ATP2B2: variants seen among roughly 807,000 people sequenced by gnomAD.
ATP2B2 encodes the protein ATPase plasma membrane Ca2+ transporting 2.
ATP2B2 carries 15 observed loss-of-function variants against 120.0 expected under a neutral mutation model. The observed-to-expected ratio is 0.12, with a 90% CI of 0.08 to 0.19. The LOEUF (loss-of-function observed/expected upper bound fraction) is 0.19, where lower values mean the gene tolerates loss of function less well. Among genes scored for constraint, ATP2B2 ranks in the 10% least tolerant of loss-of-function variants. ATP2B2 has a pLI of 1.00. For synonymous variants in ATP2B2, 694 were observed against 700.3 expected (o/e 0.99, Z 0.14); for missense variants, 1,045 against 1,719.8 (o/e 0.61, Z 6.94).
chr3:10,446,098 C>T (rs1001754469), intron 2 of ATP2B2, among the ~76,000 whole-genome samples: 53 of 152,188 alleles, frequency 3.5e-4, no homozygotes, highest in Admixed American at 6.5e-4. Context: ...GCAGTGACCT[C>T]GAGCCCTCAT....
intron 2 of ATP2B2, among the ~76,000 whole-genome samples, chr3:10,569,557 C>T (rs2068079453): frequency 6.6e-6 from 1 of 152,056 alleles, no homozygotes; most frequent in Non-Finnish European, 1.5e-5. Flanking sequence ...AAAAAATGTG[C>T]AACTAGCATG....
At position 10,343,946 on chromosome 3, in the gene ATP2B2, C is replaced by G. The variant is rs1574962535; in HGVS notation, c.2704-981G>C. 1.3e-5 allele frequency among the ~76,000 whole-genome samples: 2 copies of G among 151,818 alleles called. No homozygotes were observed. The highest frequency in any genetic ancestry group is 2.9e-5 in the Non-Finnish European group (2 of 67,946). On this transcript the variant is annotated intron_variant, in intron 18 of 22. Transcript: ENST00000360273. The surrounding 1 kb of genome is among the most constrained non-coding windows in gnomAD (Gnocchi z 4.2). ...CACCTCCTCCAGGAAGCCCCCAGACCCTGTAAGCTCAACAGCCCAAACCCG... is the reference window on the plus strand; with the variant it reads ...CACCTCCTCCAGGAAGCCCCCAGACGCTGTAAGCTCAACAGCCCAAACCCG...
intron 1 of ATP2B2, among the ~76,000 whole-genome samples, chr3:10,640,369 A>T (rs999489748): frequency 3.3e-5 from 5 of 152,158 alleles, no homozygotes; most frequent in Non-Finnish European, 5.9e-5. Flanking sequence ...CACCTCTCTA[A>T]ATCGGCCTCT....
chr3:10,458,936 T>C (rs974686231), intron 1 of ATP2B2, among the ~76,000 whole-genome samples: 5 of 152,214 alleles, frequency 3.3e-5, no homozygotes, highest in African/African-American at 1.2e-4. Context: ...TTCTGTAAAA[T>C]AAGGGTGCAA....
chr3:10,567,595 C>A (rs1208293070), intron 2 of ATP2B2, among the ~76,000 whole-genome samples: 1 of 152,224 alleles, frequency 6.6e-6, no homozygotes, highest in African/African-American at 2.4e-5. Flanking sequence ...GGCTGCTTCA[C>A]AAGATCATTG....
At position 10,606,642 on chromosome 3, in the gene ATP2B2, G is replaced by A. The variant is rs549916482; in HGVS notation, c.-415+13275C>T. On this transcript the variant is annotated intron_variant, in intron 2 of 21. Transcript: ENST00000646379. ...CGGAGGTACACATGTGCATGCAGGG[G>A]AGTTTTGGAGATGTGTATCTGTGTG... 2.4e-4 allele frequency among the ~76,000 whole-genome samples: 36 copies of A among 152,228 alleles called. 1 individual carries two copies. The Middle Eastern group carries it at 0.014, about 58-fold the overall frequency.
At chr3:10,629,215 G>A (rs1014869323) in intron 1 of ATP2B2, among the ~76,000 whole-genome samples, 3 of 152,188 alleles carry the variant, frequency 2.0e-5, no homozygotes, top group African/African-American at 7.2e-5. Flanking sequence ...CTTATGGGAC[G>A]AGCTTGAAGC....
chr3:10,355,646 G>T (rs2060693932), intron 14 of ATP2B2, among the ~76,000 whole-genome samples: 1 of 152,296 alleles, frequency 6.6e-6, no homozygotes, highest in South Asian at 2.1e-4. Flanking sequence ...CAGAGTCTGT[G>T]CCTGCAGCTA....
At chr3:10,555,567 A>G (rs920836598) in intron 2 of ATP2B2, among the ~76,000 whole-genome samples, 4 of 152,330 alleles carry the variant, frequency 2.6e-5, no homozygotes, top group African/African-American at 2.4e-5. Flanking sequence ...ATGGTGGCCA[A>G]CACATCTGGG....
intron 5 of ATP2B2, among the ~76,000 whole-genome samples, chr3:10,392,371 T>C: frequency 7.6e-6 from 1 of 132,440 alleles, no homozygotes; most frequent in Non-Finnish European, 1.6e-5. Flanking sequence ...TGCCCTGTCC[T>C]CTCCCAGGCC....
intron 2 of ATP2B2, among the ~76,000 whole-genome samples, chr3:10,564,720 C>A (rs1205947295): frequency 6.6e-6 from 1 of 152,204 alleles, no homozygotes; most frequent in African/African-American, 2.4e-5. Context: ...GGCAATGACA[C>A]CTACCATTAC....
intron 2 of ATP2B2, chr3:10,570,286 T>C (rs1210663101): frequency 2.0e-5 from 3 of 152,230 alleles, no homozygotes; most frequent in Non-Finnish European, 2.9e-5. Flanking sequence ...CCAAGGCTAA[T>C]TACAAGCTGA....
At chr3:10,477,653 T>C (rs375612583) in intron 1 of ATP2B2, among the ~76,000 whole-genome samples, 79 of 152,362 alleles carry the variant, frequency 5.2e-4, no homozygotes, top group African/African-American at 1.7e-3. Context: ...ACAGTATTTG[T>C]CCCTTTATGG....
At position 10,338,092 on chromosome 3, in the gene ATP2B2, T is replaced by TG. The variant is rs1325743401; in HGVS notation, c.3420+83dup. On this transcript the variant is annotated intron_variant, in intron 22 of 22. Coordinates refer to ENST00000360273, the MANE Select transcript of ATP2B2 (RefSeq NM_001001331.4). ...CTCCCTCAGCACCAGAGCTGGGCCC[T>TG]GGGGGGCAGCACAAGCACACTCACC... The TG allele has an allele frequency of 1.0e-5, 16 of 1,579,650 alleles. No homozygotes were observed. In the African/African-American group the frequency reaches 1.6e-4, roughly 16 times the overall value.
chr3:10,508,424 T>C (rs2066691434), upstream of ATP2B2, among the ~76,000 whole-genome samples: 1 of 152,236 alleles, frequency 6.6e-6, no homozygotes, highest in Admixed American at 6.5e-5. Context: ...CACTGGGCTG[T>C]GACCACATCA....
intron 1 of ATP2B2, among the ~76,000 whole-genome samples, chr3:10,494,024 A>G (rs2125377096): frequency 6.6e-6 from 1 of 152,342 alleles, no homozygotes; most frequent in South Asian, 2.1e-4. Context: ...GGGTGGGGAC[A>G]GGCACTCCAT....
chr3:10,329,191 A>AAT lies in ATP2B2; in HGVS notation c.3421-67_3421-66insAT. 1 of 709,190 alleles carries AAT rather than the reference A, an allele frequency of 1.4e-6. No individual in the cohort carries two copies. Among genetic ancestry groups the AAT allele is most frequent in the Non-Finnish European group, 2.3e-6 (1 of 432,716 alleles). 43.9% of individuals were successfully genotyped at this position (709,190 alleles called of 1,614,324 possible). A position where few individuals can be genotyped will look rare whatever the true frequency, so the allele number is the denominator to read the frequency against. ...CCACAGCCAGGCTCGGGGGGCTCAC[A>AAT]GGAGGGGCGGGTGGGAGAAGGGTTA... On this transcript the variant is annotated intron_variant, in intron 22 of 22. Coordinates refer to ENST00000360273, the MANE Select transcript of ATP2B2 (RefSeq NM_001001331.4). This position sits in a 1 kb window ranked among gnomAD's most constrained non-coding sequence, Gnocchi z 5.9.
At chr3:10,409,022 C>T (rs1263802115) in intron 3 of ATP2B2, among the ~76,000 whole-genome samples, 1 of 152,206 alleles carries the variant, frequency 6.6e-6, no homozygotes, top group Non-Finnish European at 1.5e-5. Context: ...TAGCACCTAT[C>T]TATAGGGTTG....
At position 10,416,569 on chromosome 3, in the gene ATP2B2, C is replaced by T. The variant is rs150464947; in HGVS notation, c.200-5754G>A. On this transcript the variant is annotated intron_variant, in intron 2 of 22. Transcript: ENST00000360273. ...GTGCCCAGACCTATTAGAGTTGGAA[C>T]TCATGTTTGAGAGCCGTCTGACAAA... Among the ~76,000 whole-genome samples the T allele has an allele frequency of 1.3e-3, 192 of 152,282 alleles. 1 individual carries two copies. Among genetic ancestry groups the T allele is most frequent in the African/African-American group, 4.3e-3 (179 of 41,560 alleles).
Sources: gnomAD v4.1 joint callset for allele counts (sites outside exome capture counted in the v4.1 genomes callset) on GRCh38, gnomAD v4.1.1 for gene constraint, Gnocchi (gnomAD v3.1) non-coding constraint, MANE v1.5 for transcripts, NCBI Gene and HGNC (gene_info 2026-07-23, HGNC 2026-07-21) for gene names.